CPE: variants seen among roughly 807,000 people sequenced by gnomAD.
CPE encodes carbocypeptidase E.
A neutral mutation model predicts 53.5 loss-of-function variants in CPE; 17 were observed. The ratio of observed to expected loss-of-function variants is 0.32; its 90% confidence interval spans 0.22 to 0.48. CPE has a LOEUF of 0.48. CPE is among the 20% of genes least tolerant of loss of function. The pLI, the probability that CPE is intolerant of heterozygous loss-of-function variation, is 0.99. For missense variants in CPE, 524 were observed against 614.7 expected, an observed-to-expected ratio of 0.85 and a Z score of 1.56; for synonymous variants, 226 against 228.8, an observed-to-expected ratio of 0.99 and a Z score of 0.11.
intron 1 of CPE, among the ~76,000 whole-genome samples, chr4:165,441,076 C>T (rs538759227): frequency 1.3e-5 from 2 of 152,266 alleles, no homozygotes; most frequent in African/African-American, 4.8e-5. Context: ...ATCTTGACTG[C>T]ACACCTGGAC....
At chr4:165,431,629 C>T (rs1731410687) in intron 1 of CPE, among the ~76,000 whole-genome samples, 1 of 152,142 alleles carries the variant, frequency 6.6e-6, no homozygotes. Context: ...TTTGGAACAT[C>T]CCCAGTGGAC....
At chr4:165,475,596 C>T (rs375192306) in intron 3 of CPE, among the ~76,000 whole-genome samples, 1 of 152,138 alleles carries the variant, frequency 6.6e-6, no homozygotes, top group East Asian at 1.9e-4. Context: ...TGTACAAGGC[C>T]ATTTGAGAAC....
rs762297497 is a variant in CPE at position 165,484,392 on chromosome 4, T to C, written c.791-30T>C. The stretch of plus-strand genomic sequence containing the variant: ...TGCTGTGCTGCTTGGTCTGTGTCTG[T>C]TTCTTTAATCTTGTGGATTTGTTTT... On this transcript the variant is annotated intron_variant, in intron 4 of 8. Coordinates refer to ENST00000402744, the MANE Select transcript of CPE (RefSeq NM_001873.4). 3.1e-6 allele frequency: 5 copies of C among 1,601,598 alleles called. No individual in the cohort carries two copies. In the Admixed American group the frequency reaches 8.4e-5, roughly 27 times the overall value.
At chr4:165,403,865 G>A (rs1327072324) in intron 1 of CPE, among the ~76,000 whole-genome samples, 4 of 152,018 alleles carry the variant, frequency 2.6e-5, no homozygotes, top group East Asian at 1.9e-4. Context: ...TTCCAATAGC[G>A]CAAACTCTAA....
intron 3 of CPE, among the ~76,000 whole-genome samples, chr4:165,480,679 A>T (rs191033823): frequency 6.6e-6 from 1 of 152,310 alleles, no homozygotes; most frequent in East Asian, 1.9e-4. Flanking sequence ...GAAAGTGTTT[A>T]ATAAGTATTA....
intron 1 of CPE, among the ~76,000 whole-genome samples, chr4:165,434,185 T>G (rs1272213454): frequency 6.6e-6 from 1 of 152,202 alleles, no homozygotes; most frequent in African/African-American, 2.4e-5. Context: ...AGCATTTAGC[T>G]CCTTGCTAAA....
At position 165,464,526 on chromosome 4, in the gene CPE, T is replaced by G. The variant is rs1732066262; in HGVS notation, c.444T>G (p.Ser148Arg). 1 of 1,613,874 alleles carries G rather than the reference T, an allele frequency of 6.2e-7. No homozygotes were observed. Among genetic ancestry groups the G allele is most frequent in the Non-Finnish European group, 8.5e-7 (1 of 1,179,868 alleles). Reference sequence around the variant, plus strand: ...AGACAATTGTCAACCTGATCCACAGTACCCGCATTCACATCATGCCTTCCC... The same window carrying G: ...AGACAATTGTCAACCTGATCCACAGGACCCGCATTCACATCATGCCTTCCC... ...GNETIVNLIH[S>R]TRIHIMPSLN... Residue 148 changes from serine to arginine, a missense_variant, in exon 2 of 9, where the codon AGT becomes AGG. Physicochemically the swap from Ser to Arg is moderately radical, Grantham distance 110. Coordinates refer to ENST00000402744, the MANE Select transcript of CPE (RefSeq NM_001873.4).
chr4:165,484,570 C>T lies in CPE; in HGVS notation c.939C>T (p.Thr313=). 6.2e-7 allele frequency: 1 copy of T among 1,614,096 alleles called. No individual in the cohort carries two copies. The highest frequency in any genetic ancestry group is 1.3e-5 in the African/African-American group (1 of 75,048). The change falls in exon 5 of 9, where the codon ACC becomes ACT. Residue 313 remains threonine, a synonymous_variant. Transcript: ENST00000402744. ...ATGACAGCAGCTTTGTAGATGGAACCACCAACGGTGGTGCTTGGTACAGCG... is the reference window on the plus strand; with the variant it reads ...ATGACAGCAGCTTTGTAGATGGAACTACCAACGGTGGTGCTTGGTACAGCG... The part of the protein sequence containing the change: ...NDDDSSFVDG[T]TNGGAWYSVP...
chr4:165,480,680 A>C (rs1560894698), intron 3 of CPE, among the ~76,000 whole-genome samples: 1 of 152,184 alleles, frequency 6.6e-6, no homozygotes, highest in Non-Finnish European at 1.5e-5. Flanking sequence ...AAAGTGTTTA[A>C]TAAGTATTAG....
At chr4:165,471,238 C>T (rs937291290) in intron 3 of CPE, among the ~76,000 whole-genome samples, 5 of 152,106 alleles carry the variant, frequency 3.3e-5, no homozygotes, top group Non-Finnish European at 5.9e-5. Context: ...AATATTGATC[C>T]AGATTTTTAC....
rs183991148 is a variant in CPE, at chr4:165,489,850, A to G, written c.1113+2273A>G. 1.6e-3 allele frequency among the ~76,000 whole-genome samples: 243 copies of G among 152,340 alleles called. 1 individual carries two copies. The highest frequency in any genetic ancestry group is 0.01 in the Middle Eastern group (3 of 294). On this transcript the variant is annotated intron_variant, in intron 6 of 8. Coordinates refer to ENST00000402744, the MANE Select transcript of CPE (RefSeq NM_001873.4). ...AAAAGAAGAAGGTTAAAGTTATACA[A>G]TCCTATTTTATGCCACGCAAAATAA...
chr4:165,453,998 C>T (rs1451762657), intron 1 of CPE, among the ~76,000 whole-genome samples: 3 of 151,982 alleles, frequency 2.0e-5, no homozygotes, highest in Non-Finnish European at 2.9e-5. Flanking sequence ...ACAAATACCC[C>T]ATACACAGTG....
intron 1 of CPE, among the ~76,000 whole-genome samples, chr4:165,396,661 A>G (rs55752426): frequency 0.086 from 11,999 of 139,954 alleles, 716 homozygotes; most frequent in African/African-American, 0.18. Flanking sequence ...ACAGAGCCAG[A>G]TTCTGTCTCA....
At chr4:165,464,669 C>G in intron 2 of CPE, 83 bp downstream of exon 2, 2 of 1,243,580 alleles carry the variant, frequency 1.6e-6, no homozygotes, top group Non-Finnish European at 2.2e-6. Flanking sequence ...AAAATTATGC[C>G]CTCGCACAAA....
chr4:165,412,671 T>C (rs911909774), intron 1 of CPE, among the ~76,000 whole-genome samples: 1 of 152,236 alleles, frequency 6.6e-6, no homozygotes, highest in Non-Finnish European at 1.5e-5. Flanking sequence ...ATTGCCACTG[T>C]GCACTTTATC....
At chr4:165,436,191 T>TACACACACAC (rs35269093) in intron 1 of CPE, among the ~76,000 whole-genome samples, 4,956 of 149,368 alleles carry the variant, frequency 0.033, 111 homozygotes, top group East Asian at 0.051. Flanking sequence ...CCAGCACACA[T>TACACACACAC]ACACACACAC....
intron 1 of CPE, among the ~76,000 whole-genome samples, chr4:165,384,784 A>C (rs1184902852): frequency 6.6e-6 from 1 of 152,246 alleles, no homozygotes; most frequent in East Asian, 1.9e-4. Flanking sequence ...ATTCTCCAGC[A>C]GAGGGCCTCA....
chr4:165,400,139 G>A (rs1730842679), intron 1 of CPE, among the ~76,000 whole-genome samples: 2 of 152,194 alleles, frequency 1.3e-5, no homozygotes, highest in South Asian at 4.1e-4. Context: ...AAAAGATATT[G>A]TATGCTTTTG....
chr4:165,496,680 G>T (rs987127823), intron 8 of CPE, among the ~76,000 whole-genome samples: 1 of 152,124 alleles, frequency 6.6e-6, no homozygotes, highest in Non-Finnish European at 1.5e-5. Flanking sequence ...GGAGTGTGTG[G>T]CTTCTCCCTA....
Sources: allele counts gnomAD v4.1 joint callset (sites outside exome capture counted in the v4.1 genomes callset), GRCh38; gene constraint gnomAD v4.1.1; transcripts MANE v1.5; gene names NCBI Gene and HGNC (gene_info 2026-07-23, HGNC 2026-07-21).